The following GARIN1A variants were observed in gnomAD, a reference collection of about 807,000 sequenced individuals.
GARIN1A encodes golgi associated RAB2 interactor 1A.
chr7:128,709,076 A>T, the GARIN1A span: 1 of 150,222 alleles, frequency 6.7e-6, no homozygotes, highest in Non-Finnish European at 1.5e-5. Flanking sequence ...CCCCCTTCTC[A>T]CCGGCCAGGA....
the GARIN1A span, among the ~76,000 whole-genome samples, chr7:128,704,308 C>G: frequency 8.1e-3 from 1,109 of 137,250 alleles, 14 homozygotes; most frequent in African/African-American, 0.029. Context: ...TTAGAGTAAC[C>G]TTTTTTTTTT....
At chr7:128,677,877 CTG>C in the GARIN1A span, 496,818 of 1,362,722 alleles carry the variant, frequency 0.36, 94,162 homozygotes, top group South Asian at 0.46. Flanking sequence ...ATGTAAGTGT[CTG>C]TGTATATATA....
chr7:128,677,887 A>C, the GARIN1A span: 7 of 1,271,268 alleles, frequency 5.5e-6, no homozygotes, highest in African/African-American at 7.5e-5. Flanking sequence ...CTGTGTATAT[A>C]TATAGACTTG....
the GARIN1A span, among the ~76,000 whole-genome samples, chr7:128,704,343 C>T: frequency 6.7e-6 from 1 of 149,372 alleles, no homozygotes; most frequent in Non-Finnish European, 1.5e-5. Flanking sequence ...CTTGCTCTGT[C>T]ACCTAGGCTG....
the GARIN1A span, among the ~76,000 whole-genome samples, chr7:128,707,904 TCTTC>T: frequency 2.6e-4 from 40 of 152,014 alleles, no homozygotes; most frequent in Admixed American, 1.3e-3. Context: ...TCTTGCTTTT[TCTTC>T]CTTCCTTCCT....
chr7:128,700,047 G>A, the GARIN1A span, among the ~76,000 whole-genome samples: 1 of 151,950 alleles, frequency 6.6e-6, no homozygotes, highest in Non-Finnish European at 1.5e-5. Flanking sequence ...CTTACATAGT[G>A]TATTTCTCTT....
the GARIN1A span, chr7:128,675,557 G>A: frequency 9.8e-7 from 1 of 1,016,966 alleles, no homozygotes; most frequent in East Asian, 2.5e-5. Context: ...TAGCAGGTCA[G>A]GGCCCAGCCC....
the GARIN1A span, among the ~76,000 whole-genome samples, chr7:128,696,008 C>CTTTTTTT: frequency 1.2e-5 from 1 of 80,120 alleles, no homozygotes; most frequent in African/African-American, 5.1e-5. Flanking sequence ...TCCTAACTTC[C>CTTTTTTT]TTTTTTTTTT....
chr7:128,703,688 G>A, the GARIN1A span, among the ~76,000 whole-genome samples: 1 of 151,988 alleles, frequency 6.6e-6, no homozygotes, highest in Non-Finnish European at 1.5e-5. Context: ...GAGGCAGGAG[G>A]ATCGCTTGAG....
chr7:128,682,122 G>C, the GARIN1A span, among the ~76,000 whole-genome samples: 2 of 152,114 alleles, frequency 1.3e-5, no homozygotes, highest in Admixed American at 1.3e-4. Flanking sequence ...TTCTCCCAGA[G>C]TCCTAGAGCC....
chr7:128,675,109 A>G, the GARIN1A span, among the ~76,000 whole-genome samples: 1 of 152,134 alleles, frequency 6.6e-6, no homozygotes, highest in East Asian at 1.9e-4. Flanking sequence ...CACAGTGCCC[A>G]GTGGTGGGCA....
the GARIN1A span, among the ~76,000 whole-genome samples, chr7:128,682,237 A>G: frequency 4.3e-4 from 66 of 152,306 alleles, no homozygotes; most frequent in African/African-American, 1.5e-3. Context: ...GTGACAACCC[A>G]AGCCCTTGGT....
chr7:128,705,946 C>T, the GARIN1A span, among the ~76,000 whole-genome samples: 1 of 152,030 alleles, frequency 6.6e-6, no homozygotes, highest in Non-Finnish European at 1.5e-5. Flanking sequence ...TGAGCCATGG[C>T]GCCCTGCCAA....
At chr7:128,673,624 G>T in the GARIN1A span, among the ~76,000 whole-genome samples, 1 of 152,184 alleles carries the variant, frequency 6.6e-6, no homozygotes, top group African/African-American at 2.4e-5. Flanking sequence ...GTTTGAGGTG[G>T]GTCTTGGGCT....
the GARIN1A span, among the ~76,000 whole-genome samples, chr7:128,704,855 T>C: frequency 6.6e-6 from 1 of 152,184 alleles, no homozygotes; most frequent in Non-Finnish European, 1.5e-5. Flanking sequence ...CCTGCTTTAG[T>C]GGGTAAATTT....
the GARIN1A span, chr7:128,672,181 C>CTT: frequency 2.5e-5 from 11 of 441,754 alleles, no homozygotes; most frequent in Non-Finnish European, 3.6e-5. Flanking sequence ...CCTTCCTCTT[C>CTT]TTTTTTTTTT....
the GARIN1A span, among the ~76,000 whole-genome samples, chr7:128,705,334 C>T: frequency 6.6e-6 from 1 of 152,114 alleles, no homozygotes; most frequent in East Asian, 1.9e-4. Flanking sequence ...CAGGCTTTAC[C>T]TTTTCAGGTG....
At chr7:128,708,244 C>G in the GARIN1A span, among the ~76,000 whole-genome samples, 2 of 148,212 alleles carry the variant, frequency 1.3e-5, no homozygotes, top group African/African-American at 5.0e-5. Flanking sequence ...CCAGGCTGAT[C>G]TCAAACTCCT....
chr7:128,689,071 G>A, the GARIN1A span, among the ~76,000 whole-genome samples: 1,276 of 151,916 alleles, frequency 8.4e-3, 19 homozygotes, highest in African/African-American at 0.029. Flanking sequence ...CCGAGGTGCC[G>A]GGATTGCAGA....
Sources: gnomAD v4.1 joint callset for allele counts (sites outside exome capture counted in the v4.1 genomes callset) on GRCh38, gnomAD v4.1.1 for gene constraint, MANE v1.5 for transcripts, NCBI Gene and HGNC (gene_info 2026-07-23, HGNC 2026-07-21) for gene names.